Variants in SPAG16 observed in about 807,000 individuals in gnomAD.
SPAG16 encodes the protein sperm-associated antigen 16 protein.
In SPAG16, 86 loss-of-function variants were observed where a neutral mutation model predicts 80.4. The ratio of observed to expected loss-of-function variants is 1.07; its 90% confidence interval spans 0.90 to 1.28. SPAG16 has a LOEUF of 1.28. Among genes scored for constraint, SPAG16 ranks in the 50% most tolerant of loss-of-function variants. The pLI, the probability that SPAG16 is intolerant of heterozygous loss-of-function variation, is 0.00. For missense variants in SPAG16, 870 were observed against 765.3 expected, an observed-to-expected ratio of 1.14 and a Z score of -1.61; for synonymous variants, 294 against 265.9, an observed-to-expected ratio of 1.11 and a Z score of -1.03.
intron 15 of SPAG16, among the ~76,000 whole-genome samples, chr2:214,318,838 C>T (rs1459390299): frequency 6.6e-6 from 1 of 152,158 alleles, no homozygotes; most frequent in Non-Finnish European, 1.5e-5. Context: ...CTCTAGCCGA[C>T]AGCTCCTGAC....
chr2:213,409,989 G>A (rs757225734), intron 9 of SPAG16, among the ~76,000 whole-genome samples: 2 of 151,982 alleles, frequency 1.3e-5, no homozygotes, highest in Non-Finnish European at 2.9e-5. Flanking sequence ...TGAAGATCAC[G>A]TTCTTATCTA....
chr2:213,967,647 A>T (rs2044775455), intron 12 of SPAG16, among the ~76,000 whole-genome samples: 1 of 152,200 alleles, frequency 6.6e-6, no homozygotes, highest in Admixed American at 6.5e-5. Context: ...ATTATGTCTT[A>T]ACCCCTGCTA....
chr2:214,054,339 C>G (rs547787996), intron 13 of SPAG16, among the ~76,000 whole-genome samples: 2 of 152,212 alleles, frequency 1.3e-5, no homozygotes, highest in South Asian at 4.2e-4. Context: ...ATTCTAAAAC[C>G]CTATATCTCC....
intron 3 of SPAG16, among the ~76,000 whole-genome samples, chr2:213,309,204 TGAG>T (rs1292617807): frequency 6.6e-6 from 1 of 152,096 alleles, no homozygotes; most frequent in Non-Finnish European, 1.5e-5. Context: ...TTGAGGGCCA[TGAG>T]GACTCTGTGG....
At chr2:213,767,655 T>TCACACA (rs3220937) in intron 10 of SPAG16, among the ~76,000 whole-genome samples, 9,289 of 147,706 alleles carry the variant, frequency 0.063, 321 homozygotes, top group South Asian at 0.11. Context: ...ACAACATACT[T>TCACACA]CACACACACA....
At chr2:214,260,263 T>C (rs1691041703) in intron 15 of SPAG16, among the ~76,000 whole-genome samples, 2 of 152,104 alleles carry the variant, frequency 1.3e-5, no homozygotes, top group African/African-American at 4.8e-5. Context: ...AAATCATCAC[T>C]AAATAACTTA....
At chr2:214,372,819 G>C (rs147564960) in intron 15 of SPAG16, among the ~76,000 whole-genome samples, 136 of 152,224 alleles carry the variant, frequency 8.9e-4, no homozygotes, top group African/African-American at 3.0e-3. Flanking sequence ...TGCTATCACT[G>C]TTCACTTCCC....
intron 10 of SPAG16, among the ~76,000 whole-genome samples, chr2:213,508,148 G>A (rs1406510453): frequency 1.3e-5 from 2 of 152,310 alleles, no homozygotes; most frequent in African/African-American, 2.4e-5. Flanking sequence ...AAATACACAT[G>A]CACACGTATG....
At chr2:213,656,505 T>G (rs2063229705) in intron 10 of SPAG16, among the ~76,000 whole-genome samples, 1 of 152,202 alleles carries the variant, frequency 6.6e-6, no homozygotes, top group African/African-American at 2.4e-5. Flanking sequence ...TGGGATAGAT[T>G]TGCACATTTT....
intron 9 of SPAG16, among the ~76,000 whole-genome samples, chr2:213,425,451 A>C (rs2069854285): frequency 6.6e-6 from 1 of 152,072 alleles, no homozygotes; most frequent in African/African-American, 2.4e-5. Flanking sequence ...GGAGTTTGAG[A>C]TCAGTATAGC....
chr2:213,626,641 A>AT (rs10582370), intron 10 of SPAG16, among the ~76,000 whole-genome samples: 3,070 of 98,950 alleles, frequency 0.031, 66 homozygotes, highest in East Asian at 0.092. Context: ...ATCGGGCTCA[A>AT]TTTTTTTTTT....
At chr2:214,258,744 GATTA>G (rs2125866057) in intron 15 of SPAG16, among the ~76,000 whole-genome samples, 1 of 151,700 alleles carries the variant, frequency 6.6e-6, no homozygotes. Flanking sequence ...CTTCAGATTG[GATTA>G]TTTATATTAG....
intron 9 of SPAG16, among the ~76,000 whole-genome samples, chr2:213,458,810 T>G (rs1181456020): frequency 6.6e-6 from 1 of 152,226 alleles, no homozygotes; most frequent in African/African-American, 2.4e-5. Context: ...ATACAATATA[T>G]CTATATTTCC....
intron 6 of SPAG16, among the ~76,000 whole-genome samples, chr2:213,348,503 C>T (rs189271239): frequency 1.3e-3 from 193 of 152,268 alleles, no homozygotes; most frequent in Non-Finnish European, 2.4e-3. Flanking sequence ...CATGTTTTTG[C>T]AGTGGCTGTT....
chr2:214,115,822 G>A (rs558481032), intron 14 of SPAG16, among the ~76,000 whole-genome samples: 16 of 145,668 alleles, frequency 1.1e-4, no homozygotes, highest in African/African-American at 3.8e-4. Context: ...AGATTGCAGC[G>A]AGCTGAGATT....
chr2:214,395,817 A>G (rs182985532), intron 15 of SPAG16, among the ~76,000 whole-genome samples: 2 of 152,290 alleles, frequency 1.3e-5, no homozygotes, highest in Non-Finnish European at 2.9e-5. Context: ...TTTGCTTAAG[A>G]TAATGGCCTC....
chr2:214,104,625 T>C (rs925471453), intron 13 of SPAG16, among the ~76,000 whole-genome samples: 2 of 151,986 alleles, frequency 1.3e-5, no homozygotes, highest in Admixed American at 1.3e-4. Flanking sequence ...TTGCCTTGGT[T>C]TGTTTGTTTG....
chr2:213,953,579 AAAATG>A (rs1316276883), intron 12 of SPAG16, among the ~76,000 whole-genome samples: 1 of 151,876 alleles, frequency 6.6e-6, no homozygotes, highest in Non-Finnish European at 1.5e-5. Flanking sequence ...AAATTTTTAA[AAAATG>A]AAATTGAGAA....
intron 15 of SPAG16, among the ~76,000 whole-genome samples, chr2:214,353,513 G>A (rs1392455055): frequency 2.0e-5 from 3 of 152,164 alleles, no homozygotes; most frequent in African/African-American, 7.2e-5. Flanking sequence ...GAAGGTCTCA[G>A]TAAATTCTTT....
Sources: gnomAD v4.1 joint callset for allele counts (sites outside exome capture counted in the v4.1 genomes callset) on GRCh38, gnomAD v4.1.1 for gene constraint, MANE v1.5 for transcripts, NCBI Gene and HGNC (gene_info 2026-07-23, HGNC 2026-07-21) for gene names.